The following CIRBP variants were observed in gnomAD, a reference collection of about 807,000 sequenced individuals.
The protein encoded by CIRBP is cold-inducible RNA-binding protein.
In CIRBP, 11 loss-of-function variants were observed where a neutral mutation model predicts 22.3. The observed-to-expected ratio is 0.49, with a 90% CI of 0.31 to 0.82. CIRBP has a LOEUF of 0.82. CIRBP is among the 40% of genes least tolerant of loss of function. The pLI, the probability that CIRBP is intolerant of heterozygous loss-of-function variation, is 0.05. For missense variants in CIRBP, 456 were observed against 402.7 expected, an observed-to-expected ratio of 1.13 and a Z score of -1.13; for synonymous variants, 216 against 158.8, an observed-to-expected ratio of 1.36 and a Z score of -2.71.
Position 1,271,147 on chromosome 19 carries a change from T to A in CIRBP, c.111T>A (p.Val37=). 1 of 1,614,004 alleles carries A rather than the reference T, an allele frequency of 6.2e-7. No individual in the cohort carries two copies. Among genetic ancestry groups the A allele is most frequent in the Non-Finnish European group, 8.5e-7 (1 of 1,179,970 alleles). Residue 37 remains valine, a synonymous_variant, in exon 3 of 6, where the codon GTT becomes GTA. Coordinates refer to ENST00000587896, the MANE Select transcript of CIRBP (RefSeq NM_001300829.2). The part of the protein sequence containing the change: ...SKYGQISEVV[V]VKDRETQRSR... ...CCTCTCTCCCCTGCACAGTGGTGGTTGTGAAAGACAGGGAGACCCAGAGAT... is the reference window on the plus strand; with the variant it reads ...CCTCTCTCCCCTGCACAGTGGTGGTAGTGAAAGACAGGGAGACCCAGAGAT...
At chr19:1,270,781 C>T (rs1200673741) in intron 1 of CIRBP, 147 bp from the exon 2 acceptor site, 13 of 689,446 alleles carry the variant, frequency 1.9e-5, no homozygotes, top group Non-Finnish European at 3.3e-5. Context: ...AAAATAAGTC[C>T]TAGGTATGAG....
At position 1,271,482 on chromosome 19, in the gene CIRBP, T is replaced by C. The variant is rs2145528748; in HGVS notation, c.349+15T>C. Reference sequence around the variant, plus strand: ...GTTCTCTAGAGGTGAGTGCCATGAGTGGGTCCCTTGGGGATGCTGTGAGGT... The same window carrying C: ...GTTCTCTAGAGGTGAGTGCCATGAGCGGGTCCCTTGGGGATGCTGTGAGGT... On this transcript the variant is annotated intron_variant, in intron 4 of 5. Transcript: ENST00000587896. 3 of 1,603,600 alleles carry C rather than the reference T, an allele frequency of 1.9e-6. No homozygotes were observed. The South Asian group carries it at 3.4e-5, about 18-fold the overall frequency.
intron 5 of CIRBP, 134 bp downstream of exon 5, chr19:1,271,766 G>C: frequency 2.8e-6 from 2 of 710,910 alleles, no homozygotes; most frequent in Non-Finnish European, 2.4e-6. Context: ...CCCAGGCCAA[G>C]AGGAGAGGAG....
Position 1,274,591 on chromosome 19 carries a change from C to G in CIRBP, c.*2148C>G, listed in dbSNP as rs2081391798. 5 of 328,232 alleles carry G rather than the reference C, an allele frequency of 1.5e-5. No individual in the cohort carries two copies. In the East Asian group the frequency reaches 2.3e-4, roughly 15 times the overall value. The allele number at this position is 328,232 out of a possible 1,614,324, so 20.3% of individuals were successfully genotyped here. On this transcript the variant is annotated 3_prime_UTR_variant, in exon 6 of 6. Coordinates refer to ENST00000587896, the MANE Select transcript of CIRBP (RefSeq NM_001300829.2). ...GGTGCAGGGCAGCGCCTCCCGGGAG[C>G]GCCGGGTCCCCCGCCTGGAGCCCGC... is the stretch of plus-strand genomic sequence containing the variant.
intron 5 of CIRBP, 42 bp downstream of exon 5, chr19:1,271,674 T>C: frequency 2.3e-6 from 3 of 1,278,676 alleles, no homozygotes; most frequent in Non-Finnish European, 3.3e-6. Context: ...GGTTGCGGGA[T>C]GGCCAGCTTC....
rs1361850857 is a variant in CIRBP at position 1,269,419 on chromosome 19, C to T, written c.-7+9C>T. On this transcript the variant is annotated intron_variant, in intron 1 of 5. Transcript: ENST00000587896. ...ACCTGCCCGACTCAGTGGTGAGGGC[C>T]CTGGCTGCACCGGCTCCGAGGAGCT... The T allele has an allele frequency of 6.6e-6, 1 of 151,970 alleles. No individual in the cohort carries two copies. The highest frequency in any genetic ancestry group is 6.6e-5 in the Admixed American group (1 of 15,262). 9.4% of individuals were successfully genotyped at this position (151,970 alleles called of 1,614,324 possible).
rs531766713 is a variant in CIRBP at position 1,271,548 on chromosome 19, C to T, written c.350-3C>T. ...TGGTACTCACTTTTTCCTGTATGTG[C>T]AGGAGGAGGGGACCGAGGCTATGGG... On this transcript the variant is annotated splice_polypyrimidine_tract_variant and splice_region_variant and intron_variant, in intron 4 of 5. Transcript: ENST00000587896. 1.3e-6 allele frequency: 2 copies of T among 1,589,232 alleles called. No homozygotes were observed. Among genetic ancestry groups the T allele is most frequent in the South Asian group, 1.1e-5 (1 of 87,642 alleles).
chr19:1,269,996 T>C (rs1207855365), intron 1 of CIRBP: 1 of 519,778 alleles, frequency 1.9e-6, no homozygotes, highest in Non-Finnish European at 3.8e-6. Flanking sequence ...CTTCCAAGTC[T>C]AGTTCTCAGA....
rs371393031 is a variant in CIRBP, at chr19:1,270,172, A to G, written c.-6-756A>G. Reference sequence around the variant, plus strand: ...CCGATTCCCGGCCTAGGTCCTGGCTATGGAAGTCAGTACCTGCCCTGAGGT... The same window carrying G: ...CCGATTCCCGGCCTAGGTCCTGGCTGTGGAAGTCAGTACCTGCCCTGAGGT... On this transcript the variant is annotated intron_variant, in intron 1 of 5. Coordinates refer to ENST00000587896, the MANE Select transcript of CIRBP (RefSeq NM_001300829.2). 1.9e-3 allele frequency: 944 copies of G among 500,876 alleles called. 17 individuals are homozygous for G. Among genetic ancestry groups the G allele is most frequent in the East Asian group, 3.2e-3 (56 of 17,610 alleles). 31.0% of individuals were successfully genotyped at this position (500,876 alleles called of 1,614,324 possible). A position where few individuals can be genotyped will look rare whatever the true frequency, so the allele number is the denominator to read the frequency against.
rs367559325 is a variant in CIRBP, at chr19:1,272,966, C to T, written c.*523C>T. ...TGTGGCAGCAACTGCCCTGGAGCCC[C>T]AGCCCCTGCGTCCATCTGTGCTGTG... On this transcript the variant is annotated 3_prime_UTR_variant, in exon 6 of 6. Transcript: ENST00000587896. The T allele has an allele frequency of 2.9e-3, 452 of 154,910 alleles. 3 individuals carry two copies. Among genetic ancestry groups the T allele is most frequent in the Non-Finnish European group, 4.1e-3 (284 of 69,688 alleles). 9.6% of individuals were successfully genotyped at this position (154,910 alleles called of 1,614,324 possible). A position where few individuals can be genotyped will look rare whatever the true frequency, so the allele number is the denominator to read the frequency against.
Position 1,272,416 on chromosome 19 carries a change from C to T in CIRBP, c.867C>T (p.Phe289=), listed in dbSNP as rs1568834405. ...VASVPLHCAC[F]LSSATHNE is the part of the protein sequence containing the mutation. ...CGGTGCCTTTACACTGTGCCTGCTT[C>T]TTGTCCTCAGCTACACACAACGAGT... Residue 289 remains phenylalanine, a synonymous_variant, in exon 6 of 6, where the codon TTC becomes TTT. Coordinates refer to ENST00000587896, the MANE Select transcript of CIRBP (RefSeq NM_001300829.2). 6 of 1,565,446 alleles carry T rather than the reference C, an allele frequency of 3.8e-6. No homozygotes were observed. The highest frequency in any genetic ancestry group is 5.2e-6 in the Non-Finnish European group (6 of 1,156,798).
intron 1 of CIRBP, chr19:1,269,809 C>T (rs2081304604): frequency 1.9e-6 from 1 of 516,172 alleles, no homozygotes; most frequent in South Asian, 1.4e-5. Flanking sequence ...ATCCACACAC[C>T]AACGCTTTTG....
intron 5 of CIRBP, 91 bp from the exon 6 acceptor site, chr19:1,271,890 C>T (rs755799040): frequency 2.0e-5 from 23 of 1,164,218 alleles, no homozygotes; most frequent in East Asian, 4.7e-5. Context: ...CCAGAAGGGA[C>T]GGCTGGCATG....
In CIRBP at chr19:1,271,649, C is replaced by A. The variant is rs115311065; in HGVS notation, c.431+17C>A. ...CTATAGCAGGTGAGGGGGAGGCCGGCCCAAGCACAGGGGTGGTTGCGGGAT... is the reference window on the plus strand; with the variant it reads ...CTATAGCAGGTGAGGGGGAGGCCGGACCAAGCACAGGGGTGGTTGCGGGAT... On this transcript the variant is annotated intron_variant, in intron 5 of 5. Transcript: ENST00000587896. 1.4e-6 allele frequency: 2 copies of A among 1,461,846 alleles called. No individual in the cohort carries two copies. Among genetic ancestry groups the A allele is most frequent in the Admixed American group, 4.3e-5 (2 of 46,014 alleles). The allele number at this position is 1,461,846 out of a possible 1,614,324, so 90.6% of individuals were successfully genotyped here. A position where few individuals can be genotyped will look rare whatever the true frequency, so the allele number is the denominator to read the frequency against.
chr19:1,271,593 G>C lies in CIRBP; in HGVS notation c.392G>C (p.Arg131Thr), dbSNP rs770467631. 5.7e-6 allele frequency: 9 copies of C among 1,571,110 alleles called. No individual in the cohort carries two copies. The highest frequency in any genetic ancestry group is 1.4e-5 in the African/African-American group (1 of 72,818). Residue 131 changes from arginine (R) to threonine (T), a missense_variant, in exon 5 of 6, where the codon AGG becomes ACG. Coordinates refer to ENST00000587896, the MANE Select transcript of CIRBP (RefSeq NM_001300829.2). Reference protein sequence around the residue: ...RGYGGNRFESRSGGYGGSRDY... With the variant: ...RGYGGNRFESTSGGYGGSRDY... ...TATGGGGGGAACCGGTTCGAGTCCAGGAGTGGGGGCTACGGAGGCTCCAGA... is the reference window on the plus strand; with the variant it reads ...TATGGGGGGAACCGGTTCGAGTCCACGAGTGGGGGCTACGGAGGCTCCAGA...
rs1339465052 is a variant in CIRBP, at chr19:1,273,323, T to A, written c.*880T>A. The A allele has an allele frequency of 6.6e-6, 1 of 152,372 alleles. No individual in the cohort carries two copies. The highest frequency in any genetic ancestry group is 1.5e-5 in the Non-Finnish European group (1 of 68,140). 9.4% of individuals were successfully genotyped at this position (152,372 alleles called of 1,614,324 possible). On this transcript the variant is annotated 3_prime_UTR_variant, in exon 6 of 6. Coordinates refer to ENST00000587896, the MANE Select transcript of CIRBP (RefSeq NM_001300829.2). ...AGCTAGAAAGGGAGGCCCAGCAGAC[T>A]GGCGCTGGTCAGGGTAGGGGAGCCA...
At chr19:1,270,857 CAT>C in intron 1 of CIRBP, 69 bp from the exon 2 acceptor site, 1 of 951,838 alleles carries the variant, frequency 1.1e-6, no homozygotes, top group Non-Finnish European at 1.7e-6. Flanking sequence ...ATGTCATTTA[CAT>C]AAAATAGGAA....
intron 4 of CIRBP, 31 bp from the exon 5 acceptor site, chr19:1,271,520 A>T: frequency 6.3e-7 from 1 of 1,597,762 alleles, no homozygotes. Context: ...TGCTGGTGGG[A>T]GCTGGTACTC....
chr19:1,272,580 A>G lies in CIRBP; in HGVS notation c.*137A>G, dbSNP rs2081361486. The G allele has an allele frequency of 2.5e-6, 2 of 795,376 alleles. No individual in the cohort carries two copies. The highest frequency in any genetic ancestry group is 1.7e-5 in the African/African-American group (1 of 57,992). The allele number at this position is 795,376 out of a possible 1,614,324, so 49.3% of individuals were successfully genotyped here. A position where few individuals can be genotyped will look rare whatever the true frequency, so the allele number is the denominator to read the frequency against. ...TAGTCATTTCGGTTCTGATCTTGTC[A>G]AACCCAGCCTGACCGCTTCTGACGC... On this transcript the variant is annotated 3_prime_UTR_variant, in exon 6 of 6. Transcript: ENST00000587896.
Sources: gnomAD v4.1 joint callset for allele counts on GRCh38, gnomAD v4.1.1 for gene constraint, MANE v1.5 for transcripts, NCBI Gene and HGNC (gene_info 2026-07-23, HGNC 2026-07-21) for gene names.